HMGN2: variants seen among roughly 807,000 people sequenced by gnomAD.
HMGN2 encodes high mobility group nucleosomal binding domain 2, also known as non-histone chromosomal protein HMG-17.
HMGN2 carries 2 observed loss-of-function variants against 16.9 expected under a neutral mutation model. The observed-to-expected ratio is 0.12, with a 90% CI of 0.05 to 0.37. The LOEUF (loss-of-function observed/expected upper bound fraction) is 0.37, where lower values mean the gene tolerates loss of function less well. HMGN2 is among the 10% of genes least tolerant of loss of function. HMGN2 has a pLI of 1.00. For missense variants in HMGN2, 90 were observed against 106.0 expected, an observed-to-expected ratio of 0.85 and a Z score of 0.66; for synonymous variants, 31 against 34.9, an observed-to-expected ratio of 0.89 and a Z score of 0.39.
At chr1:26,473,859 T>C in intron 3 of HMGN2, 127 bp downstream of exon 3, 1 of 1,009,722 alleles carries the variant, frequency 9.9e-7, no homozygotes, top group South Asian at 1.4e-5. Flanking sequence ...CTTGGGACTC[T>C]TGCCCCTTTG....
Position 26,473,127 on chromosome 1 carries a change from C to T in HMGN2, c.16-356C>T, listed in dbSNP as rs1358603776. The stretch of plus-strand genomic sequence containing the variant: ...GCGCTGTCGCCGCCCACGAGTTCCC[C>T]GGGCTGCGCGCGCCTCCCTCTCCCG... On this transcript the variant is annotated intron_variant, in intron 1 of 5. Transcript: ENST00000361427. The T allele has an allele frequency of 1.4e-5, 4 of 295,822 alleles. No homozygotes were observed. The South Asian group carries it at 1.7e-4, about 13-fold the overall frequency. 18.3% of individuals were successfully genotyped at this position (295,822 alleles called of 1,614,324 possible).
intron 1 of HMGN2, 112 bp from the exon 2 acceptor site, chr1:26,473,371 T>C: frequency 1.3e-6 from 1 of 777,654 alleles, no homozygotes; most frequent in Non-Finnish European, 2.2e-6. Flanking sequence ...ATTTATGTCC[T>C]AGAAAAGTTG....
chr1:26,473,664 TA>T, intron 2 of HMGN2, 38 bp from the exon 3 acceptor site: 1 of 1,610,980 alleles, frequency 6.2e-7, no homozygotes, highest in Non-Finnish European at 8.5e-7. Flanking sequence ...CAAAGCGACT[TA>T]CCTGTCCTAT....
chr1:26,474,326 A>G (rs868076243), intron 4 of HMGN2, among the ~76,000 whole-genome samples, 191 bp downstream of exon 4: 5 of 152,238 alleles, frequency 3.3e-5, no homozygotes, highest in South Asian at 2.1e-4. Flanking sequence ...GAAAATCTGC[A>G]TTTAAATATT....
chr1:26,473,581 A>C, intron 2 of HMGN2, 54 bp downstream of exon 2: 1 of 1,544,752 alleles, frequency 6.5e-7, no homozygotes, highest in South Asian at 1.1e-5. Flanking sequence ...AGGCCACTGG[A>C]CTCGGTGATT....
chr1:26,473,012 G>T (rs2075583173), intron 1 of HMGN2, among the ~76,000 whole-genome samples: 1 of 141,088 alleles, frequency 7.1e-6, no homozygotes, highest in South Asian at 2.3e-4. Flanking sequence ...GCGGGGGAAA[G>T]CGCTGCCGCC....
chr1:26,473,821 A>T, intron 3 of HMGN2, 89 bp downstream of exon 3: 1 of 1,345,190 alleles, frequency 7.4e-7, no homozygotes, highest in Non-Finnish European at 1.1e-6. Flanking sequence ...AATTATGGTT[A>T]GTGCCTGGTT....
rs528280794 is a variant in HMGN2, at chr1:26,476,568, C to A, written c.*1420C>A. On this transcript the variant is annotated 3_prime_UTR_variant, in exon 6 of 6. Coordinates refer to ENST00000361427, the MANE Select transcript of HMGN2 (RefSeq NM_005517.4). ...TAGAATATGGAACTGGTAACAAATT[C>A]ATGTTTGCACCTTGAATTTGCTTTC... 2.0e-5 allele frequency among the ~76,000 whole-genome samples: 3 copies of A among 152,290 alleles called. No individual in the cohort carries two copies. The South Asian group carries it at 6.2e-4, about 32-fold the overall frequency.
intron 1 of HMGN2, chr1:26,473,171 G>T: frequency 2.8e-6 from 1 of 363,028 alleles, no homozygotes; most frequent in South Asian, 3.4e-5. Context: ...GGCTGCCATA[G>T]CAACGGCGCT....
chr1:26,474,027 G>GT, intron 3 of HMGN2, 58 bp from the exon 4 acceptor site: 1 of 1,441,172 alleles, frequency 6.9e-7, no homozygotes, highest in Non-Finnish European at 9.6e-7. Context: ...GTTGTGGGTG[G>GT]TTTTCTTCAG....
At chr1:26,473,632 G>C (rs2075590212) in intron 2 of HMGN2, 71 bp from the exon 3 acceptor site, 12 of 1,573,714 alleles carry the variant, frequency 7.6e-6, no homozygotes, top group African/African-American at 2.7e-5. Flanking sequence ...CTATAATCTA[G>C]AGCAAATTGA....
intron 5 of HMGN2, 95 bp from the exon 6 acceptor site, chr1:26,475,018 C>A: frequency 9.5e-7 from 1 of 1,047,448 alleles, no homozygotes; most frequent in Non-Finnish European, 1.5e-6. Flanking sequence ...GAAACCTGAA[C>A]TTTGGCCTGG....
At chr1:26,472,794 C>G (rs527900572) in intron 1 of HMGN2, among the ~76,000 whole-genome samples, 167 bp downstream of exon 1, 4 of 151,382 alleles carry the variant, frequency 2.6e-5, no homozygotes, top group Non-Finnish European at 5.9e-5. Flanking sequence ...CTGAGCGGCT[C>G]GGCTGCCCGC....
In HMGN2 at chr1:26,474,560, C is replaced by T. The variant is rs753797931; in HGVS notation, c.142-12C>T. The T allele has an allele frequency of 1.5e-6, 2 of 1,322,754 alleles. No individual in the cohort carries two copies. Among genetic ancestry groups the T allele is most frequent in the Admixed American group, 1.8e-5 (1 of 56,772 alleles). The allele number at this position is 1,322,754 out of a possible 1,614,324, so 81.9% of individuals were successfully genotyped here. A position where few individuals can be genotyped will look rare whatever the true frequency, so the allele number is the denominator to read the frequency against. ...ATGGGGAGAAACAGTTCTATTTTTT[C>T]CCCTTTTTCAGAAGGGAGAGAAGGT... On this transcript the variant is annotated splice_polypyrimidine_tract_variant and intron_variant, in intron 4 of 5. Transcript: ENST00000361427.
chr1:26,473,644 A>C lies in HMGN2; in HGVS notation c.61-59A>C, dbSNP rs2075590299. 4 of 1,592,756 alleles carry C rather than the reference A, an allele frequency of 2.5e-6. No homozygotes were observed. The Admixed American group carries it at 6.7e-5, about 27-fold the overall frequency. The stretch of plus-strand genomic sequence containing the variant: ...CTCCTATAATCTAGAGCAAATTGAT[A>C]CCAAACTTTCAAAGCGACTTACCTG... On this transcript the variant is annotated intron_variant, in intron 2 of 5. Transcript: ENST00000361427.
At chr1:26,473,091 GCACGAGACGCGCGCTGTCGCCGCC>G (rs1246188310) in intron 1 of HMGN2, 2 of 247,170 alleles carry the variant, frequency 8.1e-6, no homozygotes, top group African/African-American at 4.7e-5. Context: ...CGTTCCCCGC[GCACGAGACGCGCGCTGTCGCCGCC>G]CACGAGTTCC....
chr1:26,475,428 T>C lies in HMGN2; in HGVS notation c.*280T>C, dbSNP rs957082204. 2 of 354,718 alleles carry C rather than the reference T, an allele frequency of 5.6e-6. No individual in the cohort carries two copies. Among genetic ancestry groups the C allele is most frequent in the Non-Finnish European group, 5.2e-6 (1 of 192,796 alleles). The allele number at this position is 354,718 out of a possible 1,614,324, so 22.0% of individuals were successfully genotyped here. A position where few individuals can be genotyped will look rare whatever the true frequency, so the allele number is the denominator to read the frequency against. ...CTCCCAGGAGGAGGGATTCCCTGAC[T>C]TTGACACACATGGCCACCTTGGCAC... On this transcript the variant is annotated 3_prime_UTR_variant, in exon 6 of 6. Transcript: ENST00000361427.
intron 4 of HMGN2, among the ~76,000 whole-genome samples, 161 bp from the exon 5 acceptor site, chr1:26,474,411 T>C (rs1024613391): frequency 1.3e-5 from 2 of 152,342 alleles, no homozygotes; most frequent in Admixed American, 6.5e-5. Flanking sequence ...TATAGCAAAT[T>C]ACAGATAATT....
intron 4 of HMGN2, 133 bp downstream of exon 4, chr1:26,474,268 A>G (rs1210277100): frequency 4.5e-6 from 3 of 670,776 alleles, no homozygotes; most frequent in Non-Finnish European, 7.6e-6. Context: ...CGTCCGTGTC[A>G]TTCATAACGT....
Sources: allele counts gnomAD v4.1 joint callset (sites outside exome capture counted in the v4.1 genomes callset), GRCh38; gene constraint gnomAD v4.1.1; transcripts MANE v1.5; gene names NCBI Gene and HGNC (gene_info 2026-07-23, HGNC 2026-07-21).